The following PTPRN2 variants were observed in gnomAD, a reference collection of about 807,000 sequenced individuals.
The protein encoded by PTPRN2 is protein tyrosine phosphatase receptor type N2, also known as receptor-type tyrosine-protein phosphatase N2.
Under a neutral mutation model 118.8 loss-of-function variants are expected in PTPRN2, and 74 were observed. The ratio of observed to expected loss-of-function variants is 0.62; its 90% CI spans 0.52 to 0.76. PTPRN2 has a LOEUF of 0.76. PTPRN2 is among the 30% of genes least tolerant of loss of function. The pLI is 0.00. For synonymous variants in PTPRN2, 641 were observed against 608.0 expected, an observed-to-expected ratio of 1.05 and a Z score of -0.80; for missense variants, 1,481 against 1,394.4, an observed-to-expected ratio of 1.06 and a Z score of -0.99.
intron 2 of PTPRN2, among the ~76,000 whole-genome samples, chr7:158,411,235 T>TCACACGCTTCCCA (rs1469630043): frequency 6.6e-6 from 1 of 152,172 alleles, no homozygotes; most frequent in Non-Finnish European, 1.5e-5. Flanking sequence ...CACGGCTTCT[T>TCACACGCTTCCCA]CACACGCTTC....
Position 158,587,702 on chromosome 7 carries a change from G to T in PTPRN2, c.-33C>A. The T allele has an allele frequency of 8.5e-7, 1 of 1,177,816 alleles. No homozygotes were observed. Among genetic ancestry groups the T allele is most frequent in the Non-Finnish European group, 1.0e-6 (1 of 954,312 alleles). 73.0% of individuals were successfully genotyped at this position (1,177,816 alleles called of 1,614,324 possible). A position where few individuals can be genotyped will look rare whatever the true frequency, so the allele number is the denominator to read the frequency against. On this transcript the variant is annotated 5_prime_UTR_variant, in exon 1 of 23. Coordinates refer to ENST00000389418, the MANE Select transcript of PTPRN2 (RefSeq NM_002847.5). ...GCCTGGCCGGCGGCGCTCAGTCCAT[G>T]GCCGCGCGGGAGGCGGCGGGAGGCG...
At chr7:158,149,483 C>A (rs1348931084) in intron 6 of PTPRN2, among the ~76,000 whole-genome samples, 3 of 151,344 alleles carry the variant, frequency 2.0e-5, no homozygotes, top group Admixed American at 6.6e-5. Context: ...CTAACAAAGG[C>A]AATCCAATTA....
chr7:157,651,311 C>G (rs182327408), intron 14 of PTPRN2, among the ~76,000 whole-genome samples: 1 of 152,192 alleles, frequency 6.6e-6, no homozygotes, highest in East Asian at 1.9e-4. Flanking sequence ...CTCCTGTGCC[C>G]TCAGTGCCTC....
chr7:157,615,462 C>T lies in PTPRN2; in HGVS notation c.2344+5900G>A, dbSNP rs545943446. 11 of 471,082 alleles carry T rather than the reference C, an allele frequency of 2.3e-5. No homozygotes were observed. The highest frequency in any genetic ancestry group is 1.4e-4 in the East Asian group (2 of 14,400). 29.2% of individuals were successfully genotyped at this position (471,082 alleles called of 1,614,324 possible). ...AGGAGGTGTTTAGCCCCGAGCCTCA[C>T]GTGGAAACATCTGATGAGCCTTTGC... is the stretch of plus-strand genomic sequence containing the variant. On this transcript the variant is annotated intron_variant, in intron 15 of 22. Transcript: ENST00000389418. The surrounding 1 kb of genome is among the most constrained non-coding windows in gnomAD (Gnocchi z 4.3).
chr7:157,636,741 G>A lies in PTPRN2; in HGVS notation c.2197-15232C>T, dbSNP rs149965720. Reference sequence around the variant, plus strand: ...CACTGGAGAACTTTGGAGAAATGGCGTGGAAGATGAAGAGATAATGCTCAA... The same window carrying A: ...CACTGGAGAACTTTGGAGAAATGGCATGGAAGATGAAGAGATAATGCTCAA... On this transcript the variant is annotated intron_variant, in intron 14 of 22. Coordinates refer to ENST00000389418, the MANE Select transcript of PTPRN2 (RefSeq NM_002847.5). 4.5e-3 allele frequency among the ~76,000 whole-genome samples: 682 copies of A among 152,316 alleles called. 7 individuals carry two copies. The highest frequency in any genetic ancestry group is 0.016 in the African/African-American group (648 of 41,572).
Position 157,550,592 on chromosome 7 carries a change from A to G in PTPRN2, c.2903-1573T>C, listed in dbSNP as rs903372500. ...GGAGACACTGGCATTTCCTGGCAGG[A>G]ACAGGGCTCGTGGTGATGGGAGCCA... On this transcript the variant is annotated intron_variant, in intron 21 of 22. Transcript: ENST00000389418. The surrounding 1 kb of genome is among the most constrained non-coding windows in gnomAD (Gnocchi z 5.2). Among the ~76,000 whole-genome samples the G allele has an allele frequency of 4.6e-5, 7 of 152,298 alleles. No homozygotes were observed. The highest frequency in any genetic ancestry group is 1.7e-4 in the African/African-American group (7 of 41,566).
intron 12 of PTPRN2, among the ~76,000 whole-genome samples, chr7:157,781,795 G>A (rs1000102033): frequency 2.0e-5 from 3 of 152,130 alleles, no homozygotes; most frequent in Non-Finnish European, 4.4e-5. Context: ...CCCTGCCCCA[G>A]CCTCCCAGCC....
chr7:157,975,065 C>A (rs537405367), intron 11 of PTPRN2, among the ~76,000 whole-genome samples: 2 of 152,188 alleles, frequency 1.3e-5, no homozygotes, highest in African/African-American at 2.4e-5. Flanking sequence ...TGGCCCGGAC[C>A]CTGCCTCCAT....
chr7:158,410,949 A>G lies in PTPRN2; in HGVS notation c.163+78786T>C, dbSNP rs73731220. Among the ~76,000 whole-genome samples the G allele has an allele frequency of 5.3e-3, 803 of 151,856 alleles. 11 individuals are homozygous for G. Among genetic ancestry groups the G allele is most frequent in the African/African-American group, 0.017 (723 of 41,448 alleles). ...ATGGGGTGGGAGGCCCCGGAGGGAC[A>G]GGGTACACAAGCACCCAGGTGACCC... On this transcript the variant is annotated intron_variant, in intron 2 of 22. Coordinates refer to ENST00000389418, the MANE Select transcript of PTPRN2 (RefSeq NM_002847.5).
chr7:158,245,607 G>A (rs888775399), intron 3 of PTPRN2, among the ~76,000 whole-genome samples: 2 of 152,134 alleles, frequency 1.3e-5, no homozygotes, highest in African/African-American at 4.8e-5. Flanking sequence ...ACTAGGTGGA[G>A]GGAGTTTTCC....
chr7:158,074,922 C>T (rs1318749543), intron 11 of PTPRN2, among the ~76,000 whole-genome samples: 1 of 152,234 alleles, frequency 6.6e-6, no homozygotes, highest in Non-Finnish European at 1.5e-5. Flanking sequence ...CTGAGCAACG[C>T]AGTTTCCTAG....
chr7:157,748,737 T>C (rs1366904909), intron 12 of PTPRN2, among the ~76,000 whole-genome samples: 2 of 120,440 alleles, frequency 1.7e-5, no homozygotes, highest in Admixed American at 8.3e-5. Flanking sequence ...CCCTGAGCTG[T>C]GGGCTGTCCG....
chr7:158,561,310 A>G (rs1269260870), intron 1 of PTPRN2, among the ~76,000 whole-genome samples: 2 of 152,186 alleles, frequency 1.3e-5, no homozygotes, highest in African/African-American at 4.8e-5. Context: ...AAGTCTCCCC[A>G]GGTCTAAGAG....
rs761412413 is a variant in PTPRN2 at position 158,268,077 on chromosome 7, AC to A, written c.277+48741del. Among the ~76,000 whole-genome samples the A allele has an allele frequency of 9.2e-5, 14 of 152,338 alleles. 1 individual carries two copies. In the South Asian group the frequency reaches 2.9e-3, roughly 32 times the overall value. On this transcript the variant is annotated intron_variant, in intron 3 of 22. Coordinates refer to ENST00000389418, the MANE Select transcript of PTPRN2 (RefSeq NM_002847.5). ...AGCCCATTTGAGCGCTCTTCAAGGC[AC>A]GAGATCCTCAGCACCGTCAACAAGT...
chr7:158,262,998 GCACACACACATT>G (rs1214820614), intron 3 of PTPRN2, among the ~76,000 whole-genome samples: 3 of 140,042 alleles, frequency 2.1e-5, no homozygotes, highest in African/African-American at 8.3e-5. Context: ...CACACACATT[GCACACACACATT>G]CACACACAGT....
At chr7:158,146,675 C>G (rs1225862352) in intron 6 of PTPRN2, among the ~76,000 whole-genome samples, 1 of 146,772 alleles carries the variant, frequency 6.8e-6, no homozygotes, top group East Asian at 2.0e-4. Context: ...GAGCTGAGAT[C>G]GCGCCACTGC....
chr7:158,447,834 C>T (rs967609552), intron 2 of PTPRN2, among the ~76,000 whole-genome samples: 1 of 152,242 alleles, frequency 6.6e-6, no homozygotes, highest in South Asian at 2.1e-4. Context: ...AGTGCTGAAG[C>T]CCCTGCTGCC....
intron 13 of PTPRN2, chr7:157,669,468 G>C: frequency 2.2e-6 from 1 of 462,088 alleles, no homozygotes; most frequent in South Asian, 1.5e-5. Context: ...TGACAGCAGC[G>C]CCCAAGCCAG....
rs762482906 is a variant in PTPRN2, at chr7:157,540,771, G to A, written c.2991C>T (p.Phe997=). 1.3e-5 allele frequency: 21 copies of A among 1,567,242 alleles called. No homozygotes were observed. Among genetic ancestry groups the A allele is most frequent in the Admixed American group, 1.9e-5 (1 of 53,320 alleles). The change falls in exon 23 of 23, where the codon TTC becomes TTT. Residue 997 remains phenylalanine (F), a synonymous_variant. Transcript: ENST00000389418. The part of the protein sequence containing the change: ...GMVQTKEQFE[F]ALTAVAEEVN... Reference sequence around the variant, plus strand: ...CCTCCTCAGCCACGGCTGTCAGCGCGAACTCAAACTGCTCCTGCAGGGCGA... The same window carrying A: ...CCTCCTCAGCCACGGCTGTCAGCGCAAACTCAAACTGCTCCTGCAGGGCGA...
Sources: allele counts gnomAD v4.1 joint callset (sites outside exome capture counted in the v4.1 genomes callset), GRCh38; gene constraint gnomAD v4.1.1; non-coding constraint Gnocchi (gnomAD v3.1); transcripts MANE v1.5; gene names NCBI Gene and HGNC (gene_info 2026-07-23, HGNC 2026-07-21).